The following RALYL variants were observed in gnomAD, a reference collection of about 807,000 sequenced individuals.
RALYL encodes the protein RALY RNA binding protein like, also known as RNA-binding Raly-like protein.
RALYL carries 29 observed loss-of-function variants against 35.1 expected under a neutral mutation model. The observed-to-expected ratio is 0.83, with a 90% CI of 0.61 to 1.13. RALYL has a LOEUF of 1.13. Ranked by LOEUF, RALYL falls within the 50% of genes most tolerant of loss-of-function variation. RALYL has a pLI of 0.00. For missense variants in RALYL, 359 were observed against 360.4 expected (o/e 1.00, Z 0.03); for synonymous variants, 120 against 127.6 (o/e 0.94, Z 0.40).
intron 1 of RALYL, among the ~76,000 whole-genome samples, chr8:84,471,213 G>A (rs1385451759): frequency 6.6e-6 from 1 of 152,132 alleles, no homozygotes; most frequent in Non-Finnish European, 1.5e-5. Flanking sequence ...ATATTGCAAA[G>A]TTATTGCTAT....
chr8:84,348,072 G>A (rs983108155), intron 1 of RALYL, among the ~76,000 whole-genome samples: 1 of 152,114 alleles, frequency 6.6e-6, no homozygotes, highest in East Asian at 1.9e-4. Context: ...TTGGCAGCCT[G>A]TGATGGCTGG....
intron 1 of RALYL, among the ~76,000 whole-genome samples, chr8:84,484,768 AACT>A (rs752471270): frequency 6.6e-6 from 1 of 152,178 alleles, no homozygotes; most frequent in Non-Finnish European, 1.5e-5. Flanking sequence ...TATCAACATT[AACT>A]AAAGTCATAT....
At chr8:84,825,876 A>C (rs1829564616) in intron 4 of RALYL, among the ~76,000 whole-genome samples, 1 of 152,240 alleles carries the variant, frequency 6.6e-6, no homozygotes, top group Middle Eastern at 3.4e-3. Flanking sequence ...AAAAACCAAA[A>C]ATATAGCAAA....
chr8:84,497,783 A>T (rs527686922), intron 1 of RALYL, among the ~76,000 whole-genome samples: 131 of 151,496 alleles, frequency 8.6e-4, no homozygotes, highest in Admixed American at 1.6e-3. Context: ...GTGGGACCAC[A>T]GGCTTGTGCC....
chr8:84,285,944 G>A lies in RALYL; in HGVS notation c.-24+101520G>A, dbSNP rs571228894. Among the ~76,000 whole-genome samples the A allele has an allele frequency of 1.7e-3, 263 of 152,228 alleles. 1 individual carries two copies. Among genetic ancestry groups the A allele is most frequent in the African/African-American group, 5.9e-3 (246 of 41,540 alleles). ...ACCTCTGGGTGTTTTGTTGATGGAC[G>A]CCTTAGGGAGATCACTGAGGAGGCT... On this transcript the variant is annotated intron_variant, in intron 1 of 8. Transcript: ENST00000521268.
At chr8:84,565,001 A>G (rs1252216) in intron 2 of RALYL, among the ~76,000 whole-genome samples, 47,431 of 151,438 alleles carry the variant, frequency 0.31, 8,575 homozygotes, top group African/African-American at 0.51. Context: ...GCTGATATTC[A>G]TTTTGTTAAT....
At chr8:84,476,642 T>A (rs1005809704) in intron 1 of RALYL, among the ~76,000 whole-genome samples, 104 of 152,182 alleles carry the variant, frequency 6.8e-4, no homozygotes, top group African/African-American at 2.3e-3. Context: ...AGTATATTTA[T>A]TCCCTCGTTG....
chr8:84,798,405 A>G (rs1822434807), intron 3 of RALYL, among the ~76,000 whole-genome samples: 1 of 152,164 alleles, frequency 6.6e-6, no homozygotes, highest in Admixed American at 6.5e-5. Flanking sequence ...TTATTTAGTT[A>G]TCTAATGTGT....
intron 1 of RALYL, among the ~76,000 whole-genome samples, chr8:84,415,996 CGAA>C (rs1554656165): frequency 6.6e-6 from 1 of 152,032 alleles, no homozygotes; most frequent in Non-Finnish European, 1.5e-5. Flanking sequence ...AAGTGAGTGA[CGAA>C]GGATCATTTA....
intron 2 of RALYL, among the ~76,000 whole-genome samples, chr8:84,694,642 G>A (rs1054363080): frequency 6.6e-6 from 1 of 151,846 alleles, no homozygotes; most frequent in Non-Finnish European, 1.5e-5. Flanking sequence ...ACCTTGAATA[G>A]CCAAGGTAAT....
At chr8:84,397,768 G>A (rs2042489653) in intron 1 of RALYL, among the ~76,000 whole-genome samples, 1 of 151,784 alleles carries the variant, frequency 6.6e-6, no homozygotes, top group African/African-American at 2.4e-5. Flanking sequence ...TCATGTTCTT[G>A]CATCAGTCGC....
intron 2 of RALYL, among the ~76,000 whole-genome samples, chr8:84,646,716 C>T (rs1306915281): frequency 6.6e-6 from 1 of 151,792 alleles, no homozygotes. Flanking sequence ...TGTTTTATTC[C>T]TTTTTGTTTT....
At chr8:84,205,221 G>A (rs6473531) in intron 1 of RALYL, among the ~76,000 whole-genome samples, 38,466 of 151,984 alleles carry the variant, frequency 0.25, 4,998 homozygotes, top group Non-Finnish European at 0.28. Context: ...TACTGTTCTC[G>A]ATATGCAATT....
At chr8:84,269,069 A>G (rs575297350) in intron 1 of RALYL, among the ~76,000 whole-genome samples, 3 of 152,200 alleles carry the variant, frequency 2.0e-5, no homozygotes, top group Non-Finnish European at 4.4e-5. Context: ...CAGATGTAAT[A>G]AACTTCTAGT....
chr8:84,188,442 T>C (rs1813060672), intron 1 of RALYL, among the ~76,000 whole-genome samples: 1 of 152,104 alleles, frequency 6.6e-6, no homozygotes, highest in African/African-American at 2.4e-5. Flanking sequence ...ACTGTTACTA[T>C]CTACTACTTC....
chr8:84,394,348 C>A (rs1861335580), intron 1 of RALYL, among the ~76,000 whole-genome samples: 1 of 152,006 alleles, frequency 6.6e-6, no homozygotes, highest in Non-Finnish European at 1.5e-5. Flanking sequence ...ATTCATGAAT[C>A]TTTTTCTTGA....
chr8:84,543,984 T>A (rs2060190802), intron 2 of RALYL, among the ~76,000 whole-genome samples: 1 of 152,026 alleles, frequency 6.6e-6, no homozygotes, highest in Non-Finnish European at 1.5e-5. Flanking sequence ...AATACACCTA[T>A]AAGTCTCAGA....
At chr8:84,501,472 A>C (rs1237862651) in intron 1 of RALYL, among the ~76,000 whole-genome samples, 4 of 152,086 alleles carry the variant, frequency 2.6e-5, no homozygotes, top group Non-Finnish European at 5.9e-5. Context: ...GTAATATTCC[A>C]ATAAAAATCA....
chr8:84,358,413 C>T (rs116336986), intron 1 of RALYL, among the ~76,000 whole-genome samples: 2 of 151,806 alleles, frequency 1.3e-5, no homozygotes, highest in African/African-American at 4.8e-5. Flanking sequence ...TGTGTGTGTG[C>T]ACATGCAATA....
Sources: allele counts gnomAD v4.1 joint callset (sites outside exome capture counted in the v4.1 genomes callset), GRCh38; gene constraint gnomAD v4.1.1; transcripts MANE v1.5; gene names NCBI Gene and HGNC (gene_info 2026-07-23, HGNC 2026-07-21).